The following EMC2 variants were observed in gnomAD, a reference collection of about 807,000 sequenced individuals.
EMC2 encodes ER membrane protein complex subunit 2.
EMC2 carries 37 observed loss-of-function variants against 51.6 expected under a neutral mutation model. That is an observed-to-expected ratio of 0.72 (90% CI 0.55 to 0.94). The LOEUF is 0.94. Among genes scored for constraint, EMC2 ranks in the 40% least tolerant of loss-of-function variants. EMC2 has a pLI of 0.00. For missense variants in EMC2, 359 were observed against 350.9 expected (o/e 1.02, Z -0.18); for synonymous variants, 131 against 112.4 (o/e 1.17, Z -1.04).
At chr8:108,478,743 G>C (rs77258523) in intron 9 of EMC2, among the ~76,000 whole-genome samples, 4,437 of 151,752 alleles carry the variant, frequency 0.029, 105 homozygotes, top group Non-Finnish European at 0.044. Flanking sequence ...ACCTTTAAGA[G>C]CTGTTACAGG....
chr8:108,449,927 G>A lies in EMC2; in HGVS notation c.145G>A (p.Gly49Arg), dbSNP rs1424913006. ...ELINEYASKL[G>R]DDIWIIYEQV... ...AATTAATGAATATGCTTCTAAGCTG[G>A]GAGATGATAGTAAGTTCTTTTATTA... is the stretch of plus-strand genomic sequence containing the variant. The change falls in exon 2 of 11, where the codon GGA becomes AGA. Residue 49 changes from glycine to arginine, a missense_variant. Gly to Arg is a moderately radical substitution (Grantham distance 125). Coordinates refer to ENST00000220853, the MANE Select transcript of EMC2 (RefSeq NM_014673.5). 1.3e-6 allele frequency: 2 copies of A among 1,496,688 alleles called. No homozygotes were observed. The highest frequency in any genetic ancestry group is 1.9e-6 in the Non-Finnish European group (2 of 1,077,074). The allele number at this position is 1,496,688 out of a possible 1,614,324, so 92.7% of individuals were successfully genotyped here.
At position 108,486,857 on chromosome 8, in the gene EMC2, A is replaced by G. The variant is rs563067468; in HGVS notation, c.*259A>G. On this transcript the variant is annotated 3_prime_UTR_variant, in exon 11 of 11. Coordinates refer to ENST00000220853, the MANE Select transcript of EMC2 (RefSeq NM_014673.5). ...CTTCATATCACATATACATGTATAT[A>G]TATAAAACTCTAATGTAGTATAACC... is the stretch of plus-strand genomic sequence containing the variant. 30 of 281,926 alleles carry G rather than the reference A, an allele frequency of 1.1e-4. No individual in the cohort carries two copies. The highest frequency in any genetic ancestry group is 6.1e-4 in the African/African-American group (28 of 45,726). 17.5% of individuals were successfully genotyped at this position (281,926 alleles called of 1,614,324 possible).
intron 7 of EMC2, among the ~76,000 whole-genome samples, chr8:108,473,451 A>G (rs1810894641): frequency 6.6e-6 from 1 of 152,060 alleles, no homozygotes; most frequent in Non-Finnish European, 1.5e-5. Context: ...TAAAATCTGA[A>G]AACTTCTGAA....
intron 10 of EMC2, among the ~76,000 whole-genome samples, chr8:108,479,370 G>C (rs1036616062): frequency 5.3e-5 from 8 of 152,076 alleles, no homozygotes; most frequent in Non-Finnish European, 8.8e-5. Context: ...CAAACGCAAA[G>C]TAATTCTAAA....
In EMC2 at chr8:108,485,964, C is replaced by T. The variant is rs189729833; in HGVS notation, c.808-548C>T. Among the ~76,000 whole-genome samples, 5 of 151,686 alleles carry T rather than the reference C, an allele frequency of 3.3e-5. No individual in the cohort carries two copies. The East Asian group carries it at 9.7e-4, about 29-fold the overall frequency. ...TAGGTTTTTACTTGACAGCTCTTTG[C>T]AGAACCATATCATTTAGTTAACTAA... On this transcript the variant is annotated intron_variant, in intron 10 of 10. Coordinates refer to ENST00000220853, the MANE Select transcript of EMC2 (RefSeq NM_014673.5).
chr8:108,449,511 A>T (rs1586174649), intron 1 of EMC2, among the ~76,000 whole-genome samples: 1 of 152,118 alleles, frequency 6.6e-6, no homozygotes, highest in Non-Finnish European at 1.5e-5. Flanking sequence ...GGATCAAGTG[A>T]TTGTCCTACC....
At chr8:108,465,688 A>G (rs1389858129) in intron 5 of EMC2, among the ~76,000 whole-genome samples, 3 of 152,238 alleles carry the variant, frequency 2.0e-5, no homozygotes, top group African/African-American at 7.2e-5. Context: ...ACATCGATTA[A>G]GGCTGCAGAC....
intron 3 of EMC2, among the ~76,000 whole-genome samples, chr8:108,450,693 C>G (rs1177918029): frequency 6.6e-6 from 1 of 152,052 alleles, no homozygotes; most frequent in Non-Finnish European, 1.5e-5. Flanking sequence ...TGTTTAGTAT[C>G]CCAGTTTTAC....
rs568824004 is a variant in EMC2 at position 108,446,295 on chromosome 8, A to G, written c.40+2597A>G. 3.0e-5 allele frequency: 13 copies of G among 432,924 alleles called. No individual in the cohort carries two copies. In the East Asian group the frequency reaches 7.9e-4, roughly 26 times the overall value. The allele number at this position is 432,924 out of a possible 1,614,324, so 26.8% of individuals were successfully genotyped here. A position where few individuals can be genotyped will look rare whatever the true frequency, so the allele number is the denominator to read the frequency against. On this transcript the variant is annotated intron_variant, in intron 1 of 10. Coordinates refer to ENST00000220853, the MANE Select transcript of EMC2 (RefSeq NM_014673.5). The stretch of plus-strand genomic sequence containing the variant: ...TTCCAGTCATACACTATACTGCCTC[A>G]AAGAAGGTAGGAATCATTGGGTATC...
At chr8:108,475,733 G>T in intron 7 of EMC2, 149 bp from the exon 8 acceptor site, 1 of 539,024 alleles carries the variant, frequency 1.9e-6, no homozygotes, top group Non-Finnish European at 3.3e-6. Context: ...AATTTCAGAT[G>T]ACAAATACTT....
chr8:108,482,187 A>G (rs975542461), intron 10 of EMC2, among the ~76,000 whole-genome samples: 1 of 152,202 alleles, frequency 6.6e-6, no homozygotes, highest in African/African-American at 2.4e-5. Flanking sequence ...AATTACAGCC[A>G]TTCTGGTACA....
chr8:108,460,980 T>C (rs886070214), intron 5 of EMC2, among the ~76,000 whole-genome samples: 1 of 152,152 alleles, frequency 6.6e-6, no homozygotes, highest in African/African-American at 2.4e-5. Flanking sequence ...CCTATATCCT[T>C]AGGAAGCACT....
intron 2 of EMC2, among the ~76,000 whole-genome samples, 197 bp downstream of exon 2, chr8:108,450,133 G>A (rs1244204668): frequency 1.3e-5 from 2 of 152,008 alleles, no homozygotes; most frequent in East Asian, 3.9e-4. Context: ...TATCAAATAG[G>A]CATTTTGTTT....
At chr8:108,458,986 C>T (rs538012565) in intron 5 of EMC2, among the ~76,000 whole-genome samples, 3 of 152,258 alleles carry the variant, frequency 2.0e-5, no homozygotes, top group African/African-American at 7.2e-5. Context: ...TTTCTTCTAC[C>T]AGATACCCTA....
chr8:108,444,205 G>A (rs1238052437), intron 1 of EMC2, among the ~76,000 whole-genome samples: 4 of 152,106 alleles, frequency 2.6e-5, no homozygotes, highest in Admixed American at 2.0e-4. Context: ...TCTTAAACCC[G>A]GGTTTCCAGT....
At chr8:108,456,984 G>A (rs1819182665) in intron 5 of EMC2, among the ~76,000 whole-genome samples, 1 of 151,976 alleles carries the variant, frequency 6.6e-6, no homozygotes, top group African/African-American at 2.4e-5. Context: ...CTCTTATTTG[G>A]CAAGTATTTC....
chr8:108,465,099 G>C (rs1256930494), intron 5 of EMC2, among the ~76,000 whole-genome samples: 1 of 152,094 alleles, frequency 6.6e-6, no homozygotes, highest in African/African-American at 2.4e-5. Flanking sequence ...AAAAATGTAT[G>C]TCTTTCAGAA....
At chr8:108,454,009 T>A (rs1254213514) in intron 4 of EMC2, among the ~76,000 whole-genome samples, 1 of 152,146 alleles carries the variant, frequency 6.6e-6, no homozygotes, top group Non-Finnish European at 1.5e-5. Flanking sequence ...TGAGGTCTGC[T>A]TTGTCTGAAA....
At position 108,486,671 on chromosome 8, in the gene EMC2, A is replaced by G. The variant is rs1189038515; in HGVS notation, c.*73A>G. ...CTTATTGGCCTGTAACTTATTTACT[A>G]AATGCTCAGTGCTATTTATATACTA... is the stretch of plus-strand genomic sequence containing the variant. On this transcript the variant is annotated 3_prime_UTR_variant, in exon 11 of 11. Coordinates refer to ENST00000220853, the MANE Select transcript of EMC2 (RefSeq NM_014673.5). The G allele has an allele frequency of 2.8e-6, 4 of 1,431,544 alleles. No individual in the cohort carries two copies. The African/African-American group carries it at 5.8e-5, about 21-fold the overall frequency. 88.7% of individuals were successfully genotyped at this position (1,431,544 alleles called of 1,614,324 possible).
Sources: gnomAD v4.1 joint callset for allele counts (sites outside exome capture counted in the v4.1 genomes callset) on GRCh38, gnomAD v4.1.1 for gene constraint, MANE v1.5 for transcripts, NCBI Gene and HGNC (gene_info 2026-07-23, HGNC 2026-07-21) for gene names.